PTPRD: variants seen among roughly 807,000 people sequenced by gnomAD.
PTPRD encodes the protein receptor-type tyrosine-protein phosphatase delta.
Under a neutral mutation model 214.5 loss-of-function variants are expected in PTPRD, and 34 were observed. That is an observed-to-expected ratio of 0.16 (90% CI 0.12 to 0.21). The LOEUF (loss-of-function observed/expected upper bound fraction) is 0.21, where lower values mean the gene tolerates loss of function less well. Ranked by LOEUF, PTPRD falls within the 10% of genes least tolerant of loss-of-function variation. PTPRD has a pLI of 1.00. For missense variants in PTPRD, 2,545 were observed against 2,398.7 expected (o/e 1.06, Z -1.27); for synonymous variants, 1,128 against 845.7 (o/e 1.33, Z -5.79).
In PTPRD at chr9:9,064,633, G is replaced by A. The variant is rs372050882; in HGVS notation, c.-142-45898C>T. ...GTCCCACACCAAATACATTTCCATC[G>A]CTTTCTTTAAAGATGACTGAGACTC... On this transcript the variant is annotated intron_variant, in intron 10 of 45. Transcript: ENST00000381196. 1.2e-4 allele frequency among the ~76,000 whole-genome samples: 19 copies of A among 152,128 alleles called. No homozygotes were observed. In the East Asian group the frequency reaches 1.9e-3, roughly 15 times the overall value.
intron 2 of PTPRD, among the ~76,000 whole-genome samples, chr9:10,364,322 G>A (rs868705765): frequency 3.9e-5 from 6 of 151,962 alleles, no homozygotes; most frequent in South Asian, 2.1e-4. Flanking sequence ...CGTTTTAGGT[G>A]ACAAAGCCAA....
intron 8 of PTPRD, among the ~76,000 whole-genome samples, chr9:9,426,578 T>C (rs1321677858): frequency 2.0e-5 from 3 of 151,870 alleles, no homozygotes; most frequent in Non-Finnish European, 4.4e-5. Flanking sequence ...CAGCACGGAG[T>C]TTGAGATCTG....
chr9:10,152,613 G>T (rs1454038493), intron 3 of PTPRD, among the ~76,000 whole-genome samples: 1 of 152,104 alleles, frequency 6.6e-6, no homozygotes, highest in Non-Finnish European at 1.5e-5. Context: ...ATCACCTGAG[G>T]TCAGGAGTTT....
chr9:9,182,757 C>A (rs1362475987), intron 10 of PTPRD, among the ~76,000 whole-genome samples: 1 of 151,914 alleles, frequency 6.6e-6, no homozygotes, highest in Non-Finnish European at 1.5e-5. Context: ...GTAGTGAGAA[C>A]TGAATGCATT....
chr9:8,859,142 G>C (rs762409399), intron 11 of PTPRD, among the ~76,000 whole-genome samples: 11 of 152,348 alleles, frequency 7.2e-5, no homozygotes, highest in Admixed American at 2.0e-4. Flanking sequence ...AAGGCAACGA[G>C]GAAGACTGGG....
At chr9:10,361,078 G>A (rs7861569) in intron 2 of PTPRD, among the ~76,000 whole-genome samples, 105,260 of 152,080 alleles carry the variant, frequency 0.69, 37,987 homozygotes, top group African/African-American at 0.88. Context: ...CTCCAGCCTG[G>A]GCGACAGCGA....
At chr9:10,518,150 A>G (rs1338073679) in intron 2 of PTPRD, among the ~76,000 whole-genome samples, 7 of 152,190 alleles carry the variant, frequency 4.6e-5, no homozygotes, top group Admixed American at 4.6e-4. Flanking sequence ...ATACCTGTGT[A>G]CTGATCACCT....
intron 3 of PTPRD, among the ~76,000 whole-genome samples, chr9:10,174,189 G>T (rs1268890122): frequency 6.6e-6 from 1 of 152,144 alleles, no homozygotes; most frequent in Non-Finnish European, 1.5e-5. Context: ...CTAAACCTCA[G>T]GTTGAAATTT....
intron 30 of PTPRD, among the ~76,000 whole-genome samples, chr9:8,479,548 A>T (rs780463164): frequency 1.3e-5 from 2 of 152,196 alleles, no homozygotes; most frequent in Non-Finnish European, 2.9e-5. Context: ...AAATTGAACA[A>T]GCTAAAAATA....
At chr9:9,915,105 C>T (rs78694747) in intron 5 of PTPRD, among the ~76,000 whole-genome samples, 1 of 152,118 alleles carries the variant, frequency 6.6e-6, no homozygotes, top group African/African-American at 2.4e-5. Flanking sequence ...TACTGAGCAA[C>T]TTGCAAATGC....
intron 8 of PTPRD, among the ~76,000 whole-genome samples, chr9:9,493,519 T>G (rs2096016509): frequency 1.3e-5 from 2 of 151,876 alleles, no homozygotes; most frequent in South Asian, 4.2e-4. Flanking sequence ...CCGGGTAGGG[T>G]GGCTCATGCC....
intron 5 of PTPRD, among the ~76,000 whole-genome samples, chr9:9,916,825 G>C (rs574790005): frequency 2.0e-5 from 3 of 152,016 alleles, no homozygotes; most frequent in African/African-American, 7.2e-5. Context: ...GACATGTTAG[G>C]ACACCAAACA....
At chr9:8,485,091 G>C in intron 29 of PTPRD, 136 bp downstream of exon 29, 1 of 671,500 alleles carries the variant, frequency 1.5e-6, no homozygotes, top group East Asian at 2.7e-5. Flanking sequence ...TGTCTCCCAT[G>C]TGAAAGTCAC....
intron 14 of PTPRD, among the ~76,000 whole-genome samples, chr9:8,553,855 A>G (rs900213002): frequency 6.6e-6 from 1 of 152,166 alleles, no homozygotes; most frequent in African/African-American, 2.4e-5. Flanking sequence ...ATGGTACAAA[A>G]AAGAAGGCGG....
At chr9:9,986,298 C>T (rs2154072540) in intron 4 of PTPRD, among the ~76,000 whole-genome samples, 1 of 151,988 alleles carries the variant, frequency 6.6e-6, no homozygotes, top group African/African-American at 2.4e-5. Flanking sequence ...ATCACTTTTG[C>T]ATTGTAGTAT....
intron 3 of PTPRD, among the ~76,000 whole-genome samples, chr9:10,170,822 T>C (rs1293593383): frequency 6.6e-6 from 1 of 152,220 alleles, no homozygotes; most frequent in Non-Finnish European, 1.5e-5. Flanking sequence ...GATTAGCAAT[T>C]GTATATCATC....
At chr9:10,566,472 A>G (rs1480419365) in intron 2 of PTPRD, among the ~76,000 whole-genome samples, 1 of 152,088 alleles carries the variant, frequency 6.6e-6, no homozygotes, top group Admixed American at 6.6e-5. Flanking sequence ...TGTAATTTTT[A>G]AAACTTAAGT....
At chr9:8,479,991 A>G (rs2096846329) in intron 30 of PTPRD, among the ~76,000 whole-genome samples, 1 of 152,096 alleles carries the variant, frequency 6.6e-6, no homozygotes, top group Admixed American at 6.6e-5. Context: ...AAAACTTGAT[A>G]TTTATGTTTT....
intron 11 of PTPRD, among the ~76,000 whole-genome samples, chr9:8,996,182 T>G (rs1054667247): frequency 1.3e-5 from 2 of 152,126 alleles, no homozygotes; most frequent in African/African-American, 4.8e-5. Context: ...ACAGCAACTT[T>G]AATTCATAAT....
Sources: gnomAD v4.1 joint callset for allele counts (sites outside exome capture counted in the v4.1 genomes callset) on GRCh38, gnomAD v4.1.1 for gene constraint, MANE v1.5 for transcripts, NCBI Gene and HGNC (gene_info 2026-07-23, HGNC 2026-07-21) for gene names.